Variants in NDRG4 observed in about 807,000 individuals in gnomAD.
NDRG4 encodes protein NDRG4.
A neutral mutation model predicts 55.8 loss-of-function variants in NDRG4; 38 were observed. The observed-to-expected ratio is 0.68, with a 90% CI of 0.53 to 0.89. NDRG4 has a LOEUF of 0.89. Ranked by LOEUF, NDRG4 falls within the 40% of genes least tolerant of loss-of-function variation. The pLI is 0.00. For missense variants in NDRG4, 455 were observed against 468.6 expected, an observed-to-expected ratio of 0.97 and a Z score of 0.27; for synonymous variants, 190 against 182.7, an observed-to-expected ratio of 1.04 and a Z score of -0.32.
At chr16:58,507,105 C>A in intron 8 of NDRG4, 90 bp downstream of exon 8, 2 of 1,015,140 alleles carry the variant, frequency 2.0e-6, no homozygotes, top group Non-Finnish European at 1.5e-6. Context: ...CAGACAACAC[C>A]CTTGCCCTGG....
chr16:58,489,360 C>G (rs1440692604), intron 2 of NDRG4, among the ~76,000 whole-genome samples: 1 of 151,960 alleles, frequency 6.6e-6, no homozygotes, highest in Non-Finnish European at 1.5e-5. Flanking sequence ...ACCCAGGATG[C>G]AATCTGCACC....
downstream of NDRG4, among the ~76,000 whole-genome samples, chr16:58,513,992 G>GA (rs1031157816): frequency 1.5e-4 from 23 of 152,096 alleles, no homozygotes; most frequent in African/African-American, 5.3e-4. Flanking sequence ...CAGCTCTCCA[G>GA]AAAAAAATGC....
At chr16:58,514,563 C>A (rs1163793454), downstream of NDRG4, among the ~76,000 whole-genome samples, 5 of 151,920 alleles carry the variant, frequency 3.3e-5, no homozygotes, top group Admixed American at 3.3e-4. Context: ...GCGGTGAAAC[C>A]CCGACTCTAC....
chr16:58,464,699 G>C lies in NDRG4; in HGVS notation c.-24+902G>C, dbSNP rs1388311511. ...CGGGCTGCGGGAGCACCGGTCAGGG[G>C]GTGGCCCCATGGGGTCTCTGACCAG... is the stretch of plus-strand genomic sequence containing the variant. On this transcript the variant is annotated intron_variant, in intron 1 of 15. Coordinates refer to the NDRG4 transcript ENST00000258187. The surrounding 1 kb of genome is among the most constrained non-coding windows in gnomAD (Gnocchi z 4.8). 5.9e-6 allele frequency: 7 copies of C among 1,191,090 alleles called. No individual in the cohort carries two copies. The East Asian group carries it at 1.6e-4, about 27-fold the overall frequency. 73.8% of individuals were successfully genotyped at this position (1,191,090 alleles called of 1,614,324 possible). A position where few individuals can be genotyped will look rare whatever the true frequency, so the allele number is the denominator to read the frequency against.
intron 10 of NDRG4, 143 bp from the exon 11 acceptor site, chr16:58,508,819 A>T: frequency 1.2e-6 from 1 of 828,534 alleles, no homozygotes; most frequent in Non-Finnish European, 1.9e-6. Flanking sequence ...AAAGCCTGGG[A>T]GGAGCAGCCT....
intron 3 of NDRG4, 33 bp from the exon 4 acceptor site, chr16:58,504,326 C>T (rs906782987): frequency 6.2e-7 from 1 of 1,613,982 alleles, no homozygotes; most frequent in Non-Finnish European, 8.5e-7. Context: ...CCTGAGGCCA[C>T]ACCTGGGCCC....
intron 2 of NDRG4, among the ~76,000 whole-genome samples, chr16:58,492,658 C>T (rs2035946507): frequency 1.3e-5 from 2 of 152,094 alleles, no homozygotes. Context: ...CCTCTTGCCT[C>T]GGCCTTCCAA....
chr16:58,505,154 C>T (rs968226551), intron 5 of NDRG4, among the ~76,000 whole-genome samples: 5 of 152,052 alleles, frequency 3.3e-5, no homozygotes, highest in African/African-American at 4.8e-5. Context: ...TCAAGACCAT[C>T]CTGGCTAACA....
intron 1 of NDRG4, among the ~76,000 whole-genome samples, chr16:58,465,484 G>T (rs1432801727): frequency 1.3e-5 from 2 of 151,432 alleles, no homozygotes; most frequent in African/African-American, 4.9e-5. Flanking sequence ...ATGCTCTGGG[G>T]TGTGAGAGAG....
intron 3 of NDRG4, chr16:58,495,108 G>T: frequency 8.5e-7 from 1 of 1,175,398 alleles, no homozygotes; most frequent in Non-Finnish European, 1.2e-6. Context: ...CCTTCTGTGT[G>T]CCCCCTGCCT....
chr16:58,488,095 C>A (rs770011657), intron 2 of NDRG4, among the ~76,000 whole-genome samples: 1 of 152,192 alleles, frequency 6.6e-6, no homozygotes, highest in Non-Finnish European at 1.5e-5. Context: ...GCTTTAATGA[C>A]GAGAAAACCG....
intron 1 of NDRG4, among the ~76,000 whole-genome samples, chr16:58,471,851 G>A (rs76726951): frequency 0.013 from 2,014 of 152,216 alleles, 47 homozygotes; most frequent in African/African-American, 0.046. Flanking sequence ...GGGGACAGAG[G>A]GAATATTTCT....
rs1303713683 is a variant in NDRG4 at position 58,464,383 on chromosome 16, C to G, written c.-24+586C>G. The G allele has an allele frequency of 7.3e-7, 1 of 1,367,734 alleles. No individual in the cohort carries two copies. The highest frequency in any genetic ancestry group is 3.6e-5 in the Admixed American group (1 of 28,016). 84.7% of individuals were successfully genotyped at this position (1,367,734 alleles called of 1,614,324 possible). ...CTCCTCTCCCCGGCTCGGCCGAGCG[C>G]GCTGCCCCGACGCCGCCACCCAGAG... On this transcript the variant is annotated intron_variant, in intron 1 of 15. Transcript: ENST00000258187. The surrounding 1 kb of genome is among the most constrained non-coding windows in gnomAD (Gnocchi z 4.8).
upstream of NDRG4, chr16:58,499,933 T>A (rs1567330923): frequency 2.0e-6 from 1 of 505,234 alleles, no homozygotes; most frequent in Non-Finnish European, 3.5e-6. Context: ...CCATCAAGGA[T>A]GATGTGTGGC....
In NDRG4 at chr16:58,511,717, T is replaced by G; in HGVS notation, c.*141T>G. Reference sequence around the variant, plus strand: ...TTGAAAAAAATGAGGGGATCTTAGATGCTGCAGCAGAACAGTCTCCAGGTG... The same window carrying G: ...TTGAAAAAAATGAGGGGATCTTAGAGGCTGCAGCAGAACAGTCTCCAGGTG... On this transcript the variant is annotated 3_prime_UTR_variant, in exon 15 of 15. Transcript: ENST00000570248. 3.0e-6 allele frequency: 3 copies of G among 988,402 alleles called. No individual in the cohort carries two copies. Among genetic ancestry groups the G allele is most frequent in the Non-Finnish European group, 4.7e-6 (3 of 636,804 alleles). The allele number at this position is 988,402 out of a possible 1,614,324, so 61.2% of individuals were successfully genotyped here. A position where few individuals can be genotyped will look rare whatever the true frequency, so the allele number is the denominator to read the frequency against.
chr16:58,506,708 A>G, intron 7 of NDRG4, 94 bp downstream of exon 7: 1 of 1,393,762 alleles, frequency 7.2e-7, no homozygotes, highest in Non-Finnish European at 9.9e-7. Flanking sequence ...TTGGCATCTG[A>G]CCTGGCTCAC....
At chr16:58,501,307 A>G in intron 1 of NDRG4, 1 of 379,324 alleles carries the variant, frequency 2.6e-6, no homozygotes, top group Non-Finnish European at 4.6e-6. Context: ...CACCGGCGCA[A>G]AGCCCGGCTC....
At chr16:58,463,969 G>C (rs1406096788) in intron 1 of NDRG4, 1 of 141,672 alleles carries the variant, frequency 7.1e-6, no homozygotes, top group Non-Finnish European at 1.5e-5. Context: ...TTTCGCCTCC[G>C]CGGGGGCGGC....
At chr16:58,480,069 C>T (rs926262244) in intron 1 of NDRG4, among the ~76,000 whole-genome samples, 15 of 152,304 alleles carry the variant, frequency 9.8e-5, no homozygotes, top group African/African-American at 3.4e-4. Context: ...CCCAGACCAA[C>T]CTGTAGGAGG....
Sources: gnomAD v4.1 joint callset for allele counts (sites outside exome capture counted in the v4.1 genomes callset) on GRCh38, gnomAD v4.1.1 for gene constraint, Gnocchi (gnomAD v3.1) non-coding constraint, MANE v1.5 for transcripts, NCBI Gene and HGNC (gene_info 2026-07-23, HGNC 2026-07-21) for gene names.